ZC3H12B: variants seen among roughly 807,000 people sequenced by gnomAD.
ZC3H12B encodes probable ribonuclease ZC3H12B.
A neutral mutation model predicts 43.9 loss-of-function variants in ZC3H12B; 7 were observed. The observed-to-expected ratio is 0.16, with a 90% CI of 0.09 to 0.30. The LOEUF is 0.30. Ranked by LOEUF, ZC3H12B falls within the 10% of genes least tolerant of loss-of-function variation. The pLI is 1.00. For synonymous variants in ZC3H12B, 222 were observed against 241.7 expected (o/e 0.92, Z 0.76); for missense variants, 475 against 670.2 (o/e 0.71, Z 3.22).
chrX:65,456,994 G>C (rs1416086441), intron 3 of ZC3H12B, among the ~76,000 whole-genome samples: 18 of 102,305 alleles, frequency 1.8e-4, no homozygotes, highest in African/African-American at 6.5e-4. Flanking sequence ...TCTAGGAAGC[G>C]AGGAGCGCCT....
the ZC3H12B span, among the ~76,000 whole-genome samples, chrX:65,115,117 T>C: frequency 9.2e-5 from 10 of 108,212 alleles, no homozygotes; most frequent in African/African-American, 1.7e-4. Context: ...AATAAGTTCT[T>C]TAGTAGTGAT....
chrX:65,465,657 A>T (rs944076058), intron 3 of ZC3H12B, among the ~76,000 whole-genome samples: 5 of 110,639 alleles, frequency 4.5e-5, no homozygotes, highest in African/African-American at 1.6e-4. Flanking sequence ...TCCTATATGT[A>T]TTATGATTAT....
the ZC3H12B span, among the ~76,000 whole-genome samples, chrX:65,253,908 G>A: frequency 7.1e-5 from 8 of 112,074 alleles, no homozygotes; most frequent in South Asian, 3.0e-3. Flanking sequence ...GTGAGCAGAG[G>A]CAGACATTGA....
the ZC3H12B span, among the ~76,000 whole-genome samples, chrX:65,188,960 C>T: frequency 4.9e-4 from 36 of 73,030 alleles, no homozygotes; most frequent in African/African-American, 1.9e-3. Flanking sequence ...CCCCACCCCA[C>T]CACAGTCCCC....
chrX:65,283,542 T>C, the ZC3H12B span, among the ~76,000 whole-genome samples: 1 of 111,477 alleles, frequency 9.0e-6, no homozygotes, highest in African/African-American at 3.3e-5. Flanking sequence ...TTGTTCCTCT[T>C]TGCAGATGAC....
At chrX:65,481,907 C>G (rs928271080) in intron 3 of ZC3H12B, among the ~76,000 whole-genome samples, 4 of 111,827 alleles carry the variant, frequency 3.6e-5, no homozygotes, top group Non-Finnish European at 7.5e-5. Context: ...CCCAATATAT[C>G]TCCAATTTCA....
At chrX:65,289,588 ATAT>A in the ZC3H12B span, among the ~76,000 whole-genome samples, 1 of 109,435 alleles carries the variant, frequency 9.1e-6, no homozygotes, top group Non-Finnish European at 1.9e-5. Flanking sequence ...ATCTAATTTG[ATAT>A]TATATATAAA....
chrX:65,322,584 C>A, the ZC3H12B span, among the ~76,000 whole-genome samples: 1 of 111,639 alleles, frequency 9.0e-6, no homozygotes, highest in African/African-American at 3.3e-5. Flanking sequence ...GTTTTATATC[C>A]TTTTCCATTT....
At chrX:65,127,311 C>A in the ZC3H12B span, among the ~76,000 whole-genome samples, 1 of 112,080 alleles carries the variant, frequency 8.9e-6, no homozygotes, top group Non-Finnish European at 1.9e-5. Context: ...AGACTCCAGG[C>A]TAGCACTGGG....
At chrX:65,290,959 A>G in the ZC3H12B span, among the ~76,000 whole-genome samples, 1 of 111,733 alleles carries the variant, frequency 8.9e-6, no homozygotes, top group Non-Finnish European at 1.9e-5. Context: ...TAAGATGACT[A>G]TAAAAATGTA....
At chrX:65,352,511 A>T in the ZC3H12B span, among the ~76,000 whole-genome samples, 1 of 111,260 alleles carries the variant, frequency 9.0e-6, no homozygotes, top group Admixed American at 9.5e-5. Context: ...GGGAAGTGAT[A>T]GCCCACGGGT....
At chrX:65,353,208 CT>C in the ZC3H12B span, among the ~76,000 whole-genome samples, 126 of 111,410 alleles carry the variant, frequency 1.1e-3, no homozygotes, top group African/African-American at 4.0e-3. Context: ...ATGCCATGGA[CT>C]GCACCCATAT....
chrX:65,122,109 A>G, the ZC3H12B span, among the ~76,000 whole-genome samples: 1 of 111,283 alleles, frequency 9.0e-6, no homozygotes, highest in Non-Finnish European at 1.9e-5. Context: ...GGTGCTGAGA[A>G]GAATGTATAT....
the ZC3H12B span, among the ~76,000 whole-genome samples, chrX:65,317,371 TA>T: frequency 9.0e-6 from 1 of 110,965 alleles, no homozygotes; most frequent in Non-Finnish European, 1.9e-5. Flanking sequence ...TTACACAACC[TA>T]CTCTTTTAAA....
chrX:65,489,327 C>T, exon 1 of ZC3H12B: 1 of 1,210,781 alleles, frequency 8.3e-7, no homozygotes, highest in Non-Finnish European at 1.1e-6. Flanking sequence ...GATTGCAAGC[C>T]CTGAATTGTC....
At chrX:65,194,916 A>C in the ZC3H12B span, among the ~76,000 whole-genome samples, 1 of 112,059 alleles carries the variant, frequency 8.9e-6, no homozygotes, top group Admixed American at 9.5e-5. Context: ...ATCATTATAT[A>C]GTGACCGTCT....
At chrX:65,403,287 G>A (rs753938277) in intron 3 of ZC3H12B, among the ~76,000 whole-genome samples, 69 of 111,464 alleles carry the variant, frequency 6.2e-4, no homozygotes, top group African/African-American at 2.0e-3. Flanking sequence ...GGAGACAAAA[G>A]AGAAAAGAAT....
the ZC3H12B span, among the ~76,000 whole-genome samples, chrX:65,125,605 T>A: frequency 9.0e-6 from 1 of 111,432 alleles, no homozygotes; most frequent in Admixed American, 9.5e-5. Flanking sequence ...TGTGTTGCCA[T>A]CTATCTCATT....
chrX:65,133,806 A>G, the ZC3H12B span, among the ~76,000 whole-genome samples: 1 of 110,337 alleles, frequency 9.1e-6, no homozygotes, highest in Non-Finnish European at 1.9e-5. Context: ...AGACTGAAGG[A>G]ACAGACAGGA....
Sources: gnomAD v4.1 joint callset for allele counts (sites outside exome capture counted in the v4.1 genomes callset) on GRCh38, gnomAD v4.1.1 for gene constraint, MANE v1.5 for transcripts, NCBI Gene and HGNC (gene_info 2026-07-23, HGNC 2026-07-21) for gene names.